Variants in SATL1 observed in about 807,000 individuals in gnomAD.
SATL1 encodes the protein spermidine/spermine N(1)-acetyltransferase-like protein 1.
In SATL1, 47 loss-of-function variants were observed where a neutral mutation model predicts 51.8. That is an observed-to-expected ratio of 0.91 (90% CI 0.72 to 1.16). The LOEUF (loss-of-function observed/expected upper bound fraction) is 1.16, where lower values mean the gene tolerates loss of function less well. Among genes scored for constraint, SATL1 ranks in the 50% most tolerant of loss-of-function variants. The pLI is 0.00. For synonymous variants in SATL1, 176 were observed against 182.4 expected, an observed-to-expected ratio of 0.97 and a Z score of 0.28; for missense variants, 520 against 526.4, an observed-to-expected ratio of 0.99 and a Z score of 0.12.
intron 1 of SATL1, among the ~76,000 whole-genome samples, chrX:85,228,931 G>A (rs763768820): frequency 9.0e-6 from 1 of 111,275 alleles, no homozygotes; most frequent in Non-Finnish European, 1.9e-5. Flanking sequence ...AACAAACATC[G>A]TGAACTTAGA....
chrX:85,195,797 AAAT>A (rs749934419), intron 2 of SATL1, among the ~76,000 whole-genome samples: 112 of 109,097 alleles, frequency 1.0e-3, no homozygotes, highest in South Asian at 2.7e-3. Flanking sequence ...ACTCCGTCTT[AAAT>A]AATAATAATA....
intron 2 of SATL1, among the ~76,000 whole-genome samples, chrX:85,179,516 C>T: frequency 9.0e-6 from 1 of 111,247 alleles, no homozygotes; most frequent in Non-Finnish European, 1.9e-5. Flanking sequence ...CCTATTGAAT[C>T]ACAGTAATCG....
intron 2 of SATL1, among the ~76,000 whole-genome samples, chrX:85,223,580 G>A (rs1047005254): frequency 3.6e-5 from 4 of 110,930 alleles, no homozygotes; most frequent in African/African-American, 9.9e-5. Flanking sequence ...AGAAGCCTAG[G>A]TCCAGAAAGT....
intron 2 of SATL1, among the ~76,000 whole-genome samples, chrX:85,130,409 T>C (rs961071670): frequency 5.4e-5 from 6 of 112,066 alleles, no homozygotes; most frequent in Middle Eastern, 4.6e-3. Flanking sequence ...ATCCATTTCT[T>C]CTAGATTTTC....
At chrX:85,212,097 A>T (rs1454583151) in intron 2 of SATL1, 1 of 111,665 alleles carries the variant, frequency 9.0e-6, no homozygotes, top group East Asian at 2.8e-4. Context: ...ATTACAAGTA[A>T]GTTACCTTAA....
chrX:85,162,228 A>G (rs1216011109), intron 2 of SATL1, among the ~76,000 whole-genome samples: 1 of 111,620 alleles, frequency 9.0e-6, no homozygotes, highest in Non-Finnish European at 1.9e-5. Context: ...TCTCATGTTA[A>G]AAACCTAACA....
chrX:85,111,803 C>A (rs1261953437), intron 2 of SATL1, among the ~76,000 whole-genome samples: 1 of 112,051 alleles, frequency 8.9e-6, no homozygotes, highest in African/African-American at 3.2e-5. Context: ...ATTAATGTAA[C>A]ATATGAAGCC....
At chrX:85,198,958 C>A (rs1927634052) in intron 2 of SATL1, among the ~76,000 whole-genome samples, 1 of 109,405 alleles carries the variant, frequency 9.1e-6, no homozygotes, top group South Asian at 4.1e-4. Flanking sequence ...TCTGCCTCAG[C>A]CTCCAAGTAG....
intron 2 of SATL1, among the ~76,000 whole-genome samples, chrX:85,188,508 C>T (rs1345707809): frequency 9.0e-6 from 1 of 111,158 alleles, no homozygotes; most frequent in East Asian, 2.8e-4. Flanking sequence ...CACCTGGGCG[C>T]AGTGGCTTCT....
intron 2 of SATL1, among the ~76,000 whole-genome samples, chrX:85,180,137 C>A (rs189067768): frequency 4.5e-5 from 5 of 110,799 alleles, no homozygotes; most frequent in Non-Finnish European, 9.5e-5. Flanking sequence ...AATGCTTTAG[C>A]GAGGTCAAAA....
In SATL1 at chrX:85,228,266, C is replaced by T. The variant is rs192061333; in HGVS notation, c.-434-3940G>A. Among the ~76,000 whole-genome samples, 20 of 111,162 alleles carry T rather than the reference C, an allele frequency of 1.8e-4. No homozygotes were observed. The East Asian group carries it at 5.7e-3, about 32-fold the overall frequency. On this transcript the variant is annotated intron_variant, in intron 1 of 7. Coordinates refer to ENST00000644105, the MANE Select transcript of SATL1 (RefSeq NM_001367857.2). Reference sequence around the variant, plus strand: ...TATCCATACTCCTAAGTAAGGCAGACTCCTTCATTTGTGTACTAGAACACA... The same window carrying T: ...TATCCATACTCCTAAGTAAGGCAGATTCCTTCATTTGTGTACTAGAACACA...
chrX:85,145,670 C>G (rs981345748), intron 2 of SATL1, among the ~76,000 whole-genome samples: 2 of 111,176 alleles, frequency 1.8e-5, no homozygotes, highest in African/African-American at 6.5e-5. Flanking sequence ...GTGGTAGACA[C>G]ATTTTCTTAC....
At chrX:85,183,538 T>G (rs1188949333) in intron 2 of SATL1, among the ~76,000 whole-genome samples, 21 of 111,617 alleles carry the variant, frequency 1.9e-4, no homozygotes, top group East Asian at 2.8e-4. Context: ...TGCTCAGAAC[T>G]GCTTTGGCTA....
At chrX:85,121,489 T>A (rs1925507839) in intron 2 of SATL1, among the ~76,000 whole-genome samples, 1 of 104,555 alleles carries the variant, frequency 9.6e-6, no homozygotes, top group Non-Finnish European at 1.9e-5. Context: ...ATCTATTTCT[T>A]GTTAGTATAT....
At chrX:85,150,323 A>G (rs1266691699) in intron 2 of SATL1, among the ~76,000 whole-genome samples, 1 of 111,185 alleles carries the variant, frequency 9.0e-6, no homozygotes, top group Non-Finnish European at 1.9e-5. Context: ...GCAATAATCA[A>G]TAGCTTACCA....
chrX:85,216,127 T>A (rs1434775294), intron 2 of SATL1, among the ~76,000 whole-genome samples: 4 of 111,184 alleles, frequency 3.6e-5, no homozygotes, highest in African/African-American at 6.5e-5. Flanking sequence ...ATAAATCACA[T>A]GGTGAGAAAG....
chrX:85,180,663 A>C (rs1927182177), intron 2 of SATL1, among the ~76,000 whole-genome samples: 1 of 111,371 alleles, frequency 9.0e-6, no homozygotes, highest in Non-Finnish European at 1.9e-5. Flanking sequence ...CATTTATTGC[A>C]AATTTGATTC....
At chrX:85,100,651 T>C (rs904354491) in intron 4 of SATL1, among the ~76,000 whole-genome samples, 2 of 112,228 alleles carry the variant, frequency 1.8e-5, no homozygotes, top group Non-Finnish European at 3.8e-5. Flanking sequence ...ACATATTTAA[T>C]GCAGTCCCTA....
chrX:85,215,139 T>A (rs1928014355), intron 2 of SATL1, among the ~76,000 whole-genome samples: 1 of 111,762 alleles, frequency 8.9e-6, no homozygotes, highest in African/African-American at 3.3e-5. Flanking sequence ...GGCTTACAGC[T>A]TGCGTCCTCT....
Sources: allele counts gnomAD v4.1 joint callset (sites outside exome capture counted in the v4.1 genomes callset), GRCh38; gene constraint gnomAD v4.1.1; transcripts MANE v1.5; gene names NCBI Gene and HGNC (gene_info 2026-07-23, HGNC 2026-07-21).